The following LNPK variants were observed in gnomAD, a reference collection of about 807,000 sequenced individuals.
The protein encoded by LNPK is endoplasmic reticulum junction formation protein lunapark.
In LNPK, 29 loss-of-function variants were observed where a neutral mutation model predicts 55.2. That is an observed-to-expected ratio of 0.53 (90% confidence interval 0.39 to 0.72). The LOEUF (loss-of-function observed/expected upper bound fraction) is 0.72. Ranked by LOEUF, LNPK falls within the 30% of genes least tolerant of loss-of-function variation. The probability of loss-of-function intolerance (pLI) is 0.00; values close to 1 mark genes in which losing one functional copy is unlikely to be tolerated. For synonymous variants in LNPK, 162 were observed against 168.2 expected, an observed-to-expected ratio of 0.96 and a Z score of 0.29; for missense variants, 467 against 494.8, an observed-to-expected ratio of 0.94 and a Z score of 0.53.
At chr2:175,935,787 C>A (rs1684516587) in intron 12 of LNPK, 1 of 948,952 alleles carries the variant, frequency 1.1e-6, no homozygotes, top group Non-Finnish European at 1.3e-6. Flanking sequence ...GGGTATTGCT[C>A]CTCCTAGATT....
chr2:175,935,638 T>A (rs1365090565), intron 12 of LNPK: 1 of 199,100 alleles, frequency 5.0e-6, no homozygotes, highest in East Asian at 1.9e-4. Flanking sequence ...ATGGAATTGT[T>A]GCTTCAGTTT....
At chr2:175,964,675 T>A (rs922680487) in intron 6 of LNPK, 86 bp from the exon 7 acceptor site, 3 of 723,676 alleles carry the variant, frequency 4.1e-6, no homozygotes, top group Admixed American at 2.3e-5. Flanking sequence ...GGTTTAAATA[T>A]CCTTAATATA....
rs191571694 is a variant in LNPK, at chr2:175,976,178, C to T, written c.316+3632G>A. 2.5e-3 allele frequency among the ~76,000 whole-genome samples: 376 copies of T among 152,280 alleles called. 15 individuals carry two copies. The South Asian group carries it at 0.073, about 29-fold the overall frequency. ...TCAGGATATGAATTCAGATTTCATT[C>T]TGGTTGCAATGGGAAGCTATTAGAC... On this transcript the variant is annotated intron_variant, in intron 5 of 12. Transcript: ENST00000272748.
intron 8 of LNPK, among the ~76,000 whole-genome samples, chr2:175,952,814 CCAA>C (rs1278964843): frequency 2.6e-5 from 4 of 152,040 alleles, no homozygotes; most frequent in East Asian, 1.9e-4. Context: ...GCTTTGGTCA[CCAA>C]CAACATTATA....
At chr2:175,938,433 TC>T in intron 10 of LNPK, 50 bp from the exon 11 acceptor site, 1 of 1,031,430 alleles carries the variant, frequency 9.7e-7, no homozygotes, top group Non-Finnish European at 1.4e-6. Flanking sequence ...CAAACAAAGC[TC>T]ATGACAGAGA....
At chr2:175,970,953 A>C in intron 5 of LNPK, 149 bp from the exon 6 acceptor site, 5 of 591,116 alleles carry the variant, frequency 8.5e-6, no homozygotes, top group Non-Finnish European at 1.3e-5. Context: ...AATTATCTCC[A>C]TCTTCACCCA....
rs73030685 is a variant in LNPK, at chr2:175,970,703, C to T, written c.357+61G>A. 3,828 of 915,286 alleles carry T rather than the reference C, an allele frequency of 4.2e-3. 94 individuals carry two copies. In the African/African-American group the frequency reaches 0.06, roughly 14 times the overall value. The allele number at this position is 915,286 out of a possible 1,614,324, so 56.7% of individuals were successfully genotyped here. A position where few individuals can be genotyped will look rare whatever the true frequency, so the allele number is the denominator to read the frequency against. On this transcript the variant is annotated intron_variant, in intron 6 of 12. Transcript: ENST00000272748. ...GAGTTATTAACTTCCAACACATAAA[C>T]ATTAATTATTCAGTTCTTATTAGTT...
chr2:175,974,509 G>T (rs1253456020), intron 5 of LNPK, among the ~76,000 whole-genome samples: 1 of 152,148 alleles, frequency 6.6e-6, no homozygotes, highest in Non-Finnish European at 1.5e-5. Flanking sequence ...AAGACAGCAT[G>T]ACTGTGTTCC....
Position 175,928,509 on chromosome 2 carries a change from CAAAAAAAAA to C in LNPK, c.*1449_*1457del, listed in dbSNP as rs35161150. ...CCCAGACTGTTAACAGATTGAGTTC[CAAAAAAAAA>C]AAAAAAAAAAAACTGTCACATATGA... On this transcript the variant is annotated 3_prime_UTR_variant, in exon 13 of 13. Transcript: ENST00000272748. The C allele has an allele frequency of 1.9e-5, 2 of 107,150 alleles. No homozygotes were observed. The highest frequency in any genetic ancestry group is 3.6e-5 in the African/African-American group (1 of 28,138). 6.6% of individuals were successfully genotyped at this position (107,150 alleles called of 1,614,324 possible).
intron 8 of LNPK, 48 bp downstream of exon 8, chr2:175,964,324 A>G (rs942855245): frequency 2.6e-6 from 4 of 1,509,892 alleles, no homozygotes; most frequent in Non-Finnish European, 3.7e-6. Flanking sequence ...CACTTGGGTA[A>G]TTATGGATCT....
intron 5 of LNPK, among the ~76,000 whole-genome samples, chr2:175,972,379 C>G (rs995765660): frequency 1.3e-4 from 20 of 152,024 alleles, no homozygotes; most frequent in African/African-American, 4.6e-4. Flanking sequence ...CTGAGCATCT[C>G]AAATCCAAAA....
chr2:175,971,978 G>C (rs1460325099), intron 5 of LNPK, among the ~76,000 whole-genome samples: 2 of 152,150 alleles, frequency 1.3e-5, no homozygotes, highest in African/African-American at 4.8e-5. Context: ...GAGTGCAGTG[G>C]CATGATCTCG....
chr2:175,965,040 G>A (rs561735848), intron 6 of LNPK, among the ~76,000 whole-genome samples: 5 of 152,122 alleles, frequency 3.3e-5, no homozygotes, highest in East Asian at 3.8e-4. Flanking sequence ...TGTCAGCATC[G>A]ATTTTAGATT....
At chr2:175,964,969 A>T (rs1319673164) in intron 6 of LNPK, among the ~76,000 whole-genome samples, 1 of 152,194 alleles carries the variant, frequency 6.6e-6, no homozygotes, top group East Asian at 1.9e-4. Context: ...AATGCTATTA[A>T]TTTAAAGAAG....
intron 6 of LNPK, among the ~76,000 whole-genome samples, chr2:175,970,020 T>C (rs1019374694): frequency 3.3e-5 from 5 of 152,200 alleles, no homozygotes; most frequent in African/African-American, 1.2e-4. Flanking sequence ...GAATTGATCA[T>C]TTGTACCTGA....
chr2:175,979,736 A>C, intron 5 of LNPK, 74 bp downstream of exon 5: 1 of 1,244,626 alleles, frequency 8.0e-7, no homozygotes, highest in Non-Finnish European at 1.1e-6. Context: ...ATCATATTTT[A>C]CAACCTGTCT....
At chr2:175,961,321 G>A (rs546727855) in intron 8 of LNPK, among the ~76,000 whole-genome samples, 226 of 152,270 alleles carry the variant, frequency 1.5e-3, no homozygotes, top group African/African-American at 5.0e-3. Context: ...CTGGTGAACT[G>A]AATCCAGCAG....
At chr2:175,957,569 A>G (rs1159550498) in intron 8 of LNPK, among the ~76,000 whole-genome samples, 1 of 151,820 alleles carries the variant, frequency 6.6e-6, no homozygotes, top group East Asian at 1.9e-4. Flanking sequence ...ATTATTCCAC[A>G]TGGATACTAT....
intron 3 of LNPK, among the ~76,000 whole-genome samples, chr2:175,992,671 T>C (rs1201851002): frequency 6.6e-6 from 1 of 152,128 alleles, no homozygotes; most frequent in Non-Finnish European, 1.5e-5. Flanking sequence ...AACTATCAAA[T>C]TGGCAAAGAT....
Sources: allele counts gnomAD v4.1 joint callset (sites outside exome capture counted in the v4.1 genomes callset), GRCh38; gene constraint gnomAD v4.1.1; transcripts MANE v1.5; gene names NCBI Gene and HGNC (gene_info 2026-07-23, HGNC 2026-07-21).